SDF2L1: variants seen among roughly 807,000 people sequenced by gnomAD.
SDF2L1 encodes stromal cell-derived factor 2-like protein 1.
A neutral mutation model predicts 19.4 loss-of-function variants in SDF2L1; 18 were observed. That is an observed-to-expected ratio of 0.93 (90% CI 0.64 to 1.38). SDF2L1 has a LOEUF of 1.38. Among genes scored for constraint, SDF2L1 ranks in the 40% most tolerant of loss-of-function variants. The pLI, the probability that SDF2L1 is intolerant of heterozygous loss-of-function variation, is 0.00. For synonymous variants in SDF2L1, 161 were observed against 148.9 expected (o/e 1.08, Z -0.59); for missense variants, 263 against 319.4 (o/e 0.82, Z 1.35).
intron 1 of SDF2L1, 145 bp downstream of exon 1, chr22:21,642,668 A>T: frequency 3.4e-6 from 4 of 1,174,772 alleles, no homozygotes; most frequent in Non-Finnish European, 4.6e-6. Context: ...GAGGGGCCAA[A>T]GCTTTGAGGG....
chr22:21,643,683 A>C (rs2066098734), intron 2 of SDF2L1, among the ~76,000 whole-genome samples: 1 of 152,176 alleles, frequency 6.6e-6, no homozygotes, highest in Admixed American at 6.5e-5. Context: ...TGGTCTCTGC[A>C]CAGACAGATG....
In SDF2L1 at chr22:21,643,039, C is replaced by A; in HGVS notation, c.365C>A (p.Ser122Ter). ...AACCTGCACACGCACCACTTCCCGT[C>A]GCCGCTGTCCAACAACCAGGTGAGC... is the stretch of plus-strand genomic sequence containing the variant. ...GKNLHTHHFP[S>*]PLSNNQEVSA... The change falls in exon 2 of 3, where the codon TCG becomes TAG. Residue 122 changes from serine (S) to a stop codon, truncating the protein, a stop_gained. Transcript: ENST00000248958. LOFTEE classifies it high-confidence loss of function. 1 of 1,556,114 alleles carries A rather than the reference C, an allele frequency of 6.4e-7. No homozygotes were observed. The highest frequency in any genetic ancestry group is 1.9e-5 in the Admixed American group (1 of 51,598).
rs2066086036 is a variant in SDF2L1, at chr22:21,642,420, C to T, written c.84C>T (p.Ala28=). 4.1e-6 allele frequency: 6 copies of T among 1,462,182 alleles called. No homozygotes were observed. Among genetic ancestry groups the T allele is most frequent in the Non-Finnish European group, 5.4e-6 (6 of 1,116,902 alleles). The allele number at this position is 1,462,182 out of a possible 1,614,324, so 90.6% of individuals were successfully genotyped here. A position where few individuals can be genotyped will look rare whatever the true frequency, so the allele number is the denominator to read the frequency against. The change falls in exon 1 of 3, where the codon GCC becomes GCT. Residue 28 remains alanine, a synonymous_variant. Coordinates refer to ENST00000248958, the MANE Select transcript of SDF2L1 (RefSeq NM_022044.3). ...LLALLVPGGG[A]AKTGAELVTC... is the part of the protein sequence containing the mutation. ...CGCTGTTAGTGCCGGGCGGTGGTGC[C>T]GCCAAGACCGGTGCGGAGCTCGTGA...
At chr22:21,642,619 G>C (rs440367) in intron 1 of SDF2L1, 96 bp downstream of exon 1, 47 of 1,412,106 alleles carry the variant, frequency 3.3e-5, no homozygotes, top group Non-Finnish European at 4.1e-5. Context: ...GGGCCGTCTG[G>C]AAGCCGGGCG....
intron 2 of SDF2L1, 131 bp from the exon 3 acceptor site, chr22:21,643,763 A>AT (rs1471027619): frequency 8.9e-6 from 8 of 898,294 alleles, no homozygotes; most frequent in Non-Finnish European, 5.0e-6. Flanking sequence ...GGGGCGGGTC[A>AT]TGGTGTCACC....
chr22:21,643,839 G>C, intron 2 of SDF2L1, 55 bp from the exon 3 acceptor site: 1 of 1,536,546 alleles, frequency 6.5e-7, no homozygotes, highest in African/African-American at 1.4e-5. Flanking sequence ...GGTGTACTAG[G>C]TGCGAATGCC....
At chr22:21,643,251 G>T (rs2066095380) in intron 2 of SDF2L1, 193 bp downstream of exon 2, 2 of 668,428 alleles carry the variant, frequency 3.0e-6, no homozygotes, top group Admixed American at 6.0e-5. Flanking sequence ...TCCCGGCCCG[G>T]CAGGGAGAAC....
Position 21,644,148 on chromosome 22 carries a change from G to A in SDF2L1, c.639G>A (p.Glu213=), listed in dbSNP as rs781295097. Residue 213 remains glutamate, a synonymous_variant, in exon 3 of 3, where the codon GAG becomes GAA. Transcript: ENST00000248958. ...GCATCTTCATCAAGCCTAGTGTGGA[G>A]CCCTCTGCAGGTCACGATGAACTCT... is the stretch of plus-strand genomic sequence containing the variant. The part of the protein sequence containing the change: ...MEGIFIKPSV[E]PSAGHDEL 65 of 1,614,024 alleles carry A rather than the reference G, an allele frequency of 4.0e-5. No individual in the cohort carries two copies. The highest frequency in any genetic ancestry group is 5.2e-5 in the Non-Finnish European group (61 of 1,180,016).
chr22:21,642,661 G>A (rs1359515030), intron 1 of SDF2L1, 138 bp downstream of exon 1: 1 of 1,213,320 alleles, frequency 8.2e-7, no homozygotes, highest in African/African-American at 1.5e-5. Context: ...GGAGGTCGAG[G>A]GGCCAAAGCT....
chr22:21,643,829 G>T (rs945352610), intron 2 of SDF2L1, 65 bp from the exon 3 acceptor site: 1 of 1,492,788 alleles, frequency 6.7e-7, no homozygotes, highest in Non-Finnish European at 9.0e-7. Context: ...CCCGAGGCTC[G>T]GTGTACTAGG....
At chr22:21,642,758 G>A (rs1200408243) in intron 1 of SDF2L1, 104 bp from the exon 2 acceptor site, 2 of 1,386,696 alleles carry the variant, frequency 1.4e-6, no homozygotes, top group African/African-American at 1.5e-5. Context: ...CGGGGGCTGG[G>A]GGTGAGCCCT....
intron 2 of SDF2L1, 105 bp downstream of exon 2, chr22:21,643,163 A>G: frequency 7.3e-7 from 1 of 1,368,720 alleles, no homozygotes; most frequent in Non-Finnish European, 9.9e-7. Flanking sequence ...TGAAATGGAA[A>G]TTTCACTTCA....
chr22:21,643,104 G>A, intron 2 of SDF2L1, 46 bp downstream of exon 2: 1 of 1,541,316 alleles, frequency 6.5e-7, no homozygotes, highest in Non-Finnish European at 8.8e-7. Flanking sequence ...GCCTGTGTGA[G>A]GGGCCAGAGA....
In SDF2L1 at chr22:21,644,164, G is replaced by A. The variant is rs141094194; in HGVS notation, c.655G>A (p.Asp219Asn). The A allele has an allele frequency of 1.6e-5, 26 of 1,613,834 alleles. No individual in the cohort carries two copies. The highest frequency in any genetic ancestry group is 1.7e-4 in the Middle Eastern group (1 of 6,060). ...KPSVEPSAGHDEL is the reference protein window; with the variant it reads ...KPSVEPSAGHNEL ...TAGTGTGGAGCCCTCTGCAGGTCAC[G>A]ATGAACTCTGAGTGTGTGGATGGAT... is the stretch of plus-strand genomic sequence containing the variant. The change falls in exon 3 of 3, where the codon GAT (aspartate) becomes AAT (asparagine). Residue 219 changes from aspartate to asparagine, a missense_variant. By Grantham distance (23) the Asp-to-Asn change is conservative. This residue lies in a region of SDF2L1 where 203 missense variants were observed against 256.9 expected (regional missense o/e 0.79). Transcript: ENST00000248958.
At position 21,644,149 on chromosome 22, in the gene SDF2L1, C is replaced by T. The variant is rs745736110; in HGVS notation, c.640C>T (p.Pro214Ser). Residue 214 changes from proline to serine, a missense_variant, in exon 3 of 3, where the codon CCC becomes TCC. Physicochemically the swap from Pro to Ser is moderately conservative, Grantham distance 74. Transcript: ENST00000248958. The part of the protein sequence containing the change: ...EGIFIKPSVE[P>S]SAGHDEL ...CATCTTCATCAAGCCTAGTGTGGAG[C>T]CCTCTGCAGGTCACGATGAACTCTG... 1.2e-6 allele frequency: 2 copies of T among 1,614,084 alleles called. No homozygotes were observed. The highest frequency in any genetic ancestry group is 1.7e-6 in the Non-Finnish European group (2 of 1,180,008).
chr22:21,643,309 G>A, intron 2 of SDF2L1: 1 of 580,748 alleles, frequency 1.7e-6, no homozygotes. Flanking sequence ...TCTTCCTCTG[G>A]TGGCAAGTGG....
In SDF2L1 at chr22:21,644,038, C is replaced by A. The variant is rs142631794; in HGVS notation, c.529C>A (p.Gln177Lys). The change falls in exon 3 of 3, where the codon CAG becomes AAG. Residue 177 changes from glutamine (Q) to lysine (K), a missense_variant. Transcript: ENST00000248958. ...TSVFLSVTGE[Q>K]YGSPIRGQHE... Reference sequence around the variant, plus strand: ...TGTGTTCCTGTCAGTCACGGGTGAGCAGTATGGAAGCCCCATCCGTGGGCA... The same window carrying A: ...TGTGTTCCTGTCAGTCACGGGTGAGAAGTATGGAAGCCCCATCCGTGGGCA... 9.4e-5 allele frequency: 151 copies of A among 1,614,046 alleles called. 1 individual carries two copies. Among genetic ancestry groups the A allele is most frequent in the Non-Finnish European group, 1.3e-4 (149 of 1,180,042 alleles).
rs1190921444 is a variant in SDF2L1 at position 21,644,071 on chromosome 22, G to T, written c.562G>T (p.Val188Phe). Reference sequence around the variant, plus strand: ...AAGCCCCATCCGTGGGCAGCATGAGGTCCACGGCATGCCCAGTGCCAACAC... The same window carrying T: ...AAGCCCCATCCGTGGGCAGCATGAGTTCCACGGCATGCCCAGTGCCAACAC... ...YGSPIRGQHE[V>F]HGMPSANTHN... The change falls in exon 3 of 3, where the codon GTC becomes TTC. Residue 188 changes from valine (V) to phenylalanine (F), a missense_variant. This residue lies in a region of SDF2L1 where 203 missense variants were observed against 256.9 expected (regional missense o/e 0.79). Coordinates refer to ENST00000248958, the MANE Select transcript of SDF2L1 (RefSeq NM_022044.3). The T allele has an allele frequency of 1.2e-6, 2 of 1,614,060 alleles. No homozygotes were observed. Among genetic ancestry groups the T allele is most frequent in the African/African-American group, 2.7e-5 (2 of 74,920 alleles).
In SDF2L1 at chr22:21,642,325, C is replaced by T. The variant is rs780799135; in HGVS notation, c.-12C>T. ...GCCCCTGGGCCCGAGGGGCTGGAGC[C>T]GGGCCGGGGCGATGTGGAGCGCGGG... is the stretch of plus-strand genomic sequence containing the variant. On this transcript the variant is annotated 5_prime_UTR_variant, in exon 1 of 3. Transcript: ENST00000248958. 1.5e-6 allele frequency: 2 copies of T among 1,343,124 alleles called. No homozygotes were observed. The highest frequency in any genetic ancestry group is 1.9e-6 in the Non-Finnish European group (2 of 1,055,102). The allele number at this position is 1,343,124 out of a possible 1,614,324, so 83.2% of individuals were successfully genotyped here.
Sources: gnomAD v4.1 joint callset for allele counts (sites outside exome capture counted in the v4.1 genomes callset) on GRCh38, gnomAD v4.1.1 for gene constraint, gnomAD v4.1.1 regional missense constraint, MANE v1.5 for transcripts, NCBI Gene and HGNC (gene_info 2026-07-23, HGNC 2026-07-21) for gene names.